The following RHBDF1 variants were observed in gnomAD, a reference collection of about 807,000 sequenced individuals.
The protein encoded by RHBDF1 is rhomboid 5 homolog 1, also known as inactive rhomboid protein 1.
In RHBDF1, 80 loss-of-function variants were observed where a neutral mutation model predicts 98.6. The ratio of observed to expected loss-of-function variants is 0.81; its 90% CI spans 0.68 to 0.98. RHBDF1 has a LOEUF of 0.98. RHBDF1 is among the 50% of genes least tolerant of loss of function. The pLI, the probability that RHBDF1 is intolerant of heterozygous loss-of-function variation, is 0.00. For missense variants in RHBDF1, 1,116 were observed against 1,198.3 expected (o/e 0.93, Z 1.01); for synonymous variants, 512 against 486.8 (o/e 1.05, Z -0.68).
Position 58,279 on chromosome 16 carries a change from A to G in RHBDF1, c.*61T>C. 6.5e-7 allele frequency: 1 copy of G among 1,528,654 alleles called. No homozygotes were observed. Among genetic ancestry groups the G allele is most frequent in the Admixed American group, 1.8e-5 (1 of 55,556 alleles). 94.7% of individuals were successfully genotyped at this position (1,528,654 alleles called of 1,614,324 possible). A position where few individuals can be genotyped will look rare whatever the true frequency, so the allele number is the denominator to read the frequency against. ...TGACTCCTGTAAGCCTGTGAGGCTC[A>G]GGGAGGTCGTGTCTGGCTCTGGCCT... is the stretch of plus-strand genomic sequence containing the variant. On this transcript the variant is annotated 3_prime_UTR_variant, in exon 18 of 18. Coordinates refer to ENST00000262316, the MANE Select transcript of RHBDF1 (RefSeq NM_022450.5).
At chr16:72,471 G>C in intron 1 of RHBDF1, 42 bp downstream of exon 1, 1 of 944,436 alleles carries the variant, frequency 1.1e-6, no homozygotes, top group Non-Finnish European at 1.3e-6. Flanking sequence ...CCCGGAACCC[G>C]CCCGCCCCCG....
At chr16:62,516 C>G in intron 7 of RHBDF1, 22 bp downstream of exon 7, 3 of 1,609,094 alleles carry the variant, frequency 1.9e-6, no homozygotes, top group Non-Finnish European at 2.5e-6. Flanking sequence ...CTCTGCCCCT[C>G]TTCCCTGCCT....
chr16:66,321 A>C (rs964334853), intron 1 of RHBDF1, among the ~76,000 whole-genome samples: 1 of 152,192 alleles, frequency 6.6e-6, no homozygotes, highest in African/African-American at 2.4e-5. Context: ...TGCTTGGAGG[A>C]AAGCCCCACC....
In RHBDF1 at chr16:62,133, G is replaced by A. The variant is rs188922031; in HGVS notation, c.954-81C>T. The A allele has an allele frequency of 2.4e-4, 341 of 1,424,148 alleles. 1 individual carries two copies. In the African/African-American group the frequency reaches 4.5e-3, roughly 19 times the overall value. The allele number at this position is 1,424,148 out of a possible 1,614,324, so 88.2% of individuals were successfully genotyped here. On this transcript the variant is annotated intron_variant, in intron 7 of 17. Coordinates refer to ENST00000262316, the MANE Select transcript of RHBDF1 (RefSeq NM_022450.5). ...TCCCCGGGGGGCACCAGGGCACCCT[G>A]TCTCTATCCTGGCGAATATACTGCG...
chr16:70,844 C>G (rs1011218694), intron 1 of RHBDF1, among the ~76,000 whole-genome samples: 1 of 152,208 alleles, frequency 6.6e-6, no homozygotes, highest in Admixed American at 6.5e-5. Context: ...TCTAAGACCC[C>G]TTGCCACCTG....
chr16:64,743 C>G lies in RHBDF1; in HGVS notation c.204G>C (p.Arg68=), dbSNP rs758276139. Residue 68 remains arginine (R), a synonymous_variant, in exon 3 of 18, where the codon CGG becomes CGC. Coordinates refer to ENST00000262316, the MANE Select transcript of RHBDF1 (RefSeq NM_022450.5). ...TGGACGTCTGGCGTTGCAGCACCGG[C>G]CGCCGGAGCTCATGGTGGGGTGAAG... ...HISSPHHELR[R]PVLQRQTSIT... 1 of 1,613,864 alleles carries G rather than the reference C, an allele frequency of 6.2e-7. No homozygotes were observed. The highest frequency in any genetic ancestry group is 8.5e-7 in the Non-Finnish European group (1 of 1,179,864).
chr16:63,888 GC>G (rs11285099), intron 3 of RHBDF1, 88 bp from the exon 4 acceptor site: 1,137,911 of 1,137,968 alleles, frequency 1, 568,927 homozygotes, highest in Middle Eastern at 1. Context: ...GCAGCATGCT[GC>G]CCCCAGGCCT....
At chr16:59,985 C>T (rs1289850570) in intron 13 of RHBDF1, 159 bp from the exon 14 acceptor site, 44 of 1,483,408 alleles carry the variant, frequency 3.0e-5, no homozygotes, top group Non-Finnish European at 3.7e-5. Context: ...CTCTATCAAA[C>T]TGGAATAATG....
At chr16:63,978 G>A (rs543788911) in intron 3 of RHBDF1, 178 bp from the exon 4 acceptor site, 5 of 744,110 alleles carry the variant, frequency 6.7e-6, no homozygotes, top group East Asian at 2.7e-5. Context: ...CCCCTGAACT[G>A]TTAGCCAACT....
Position 59,350 on chromosome 16 carries a change from C to T in RHBDF1, c.1894-1G>A, listed in dbSNP as rs1421731212. 6.2e-7 allele frequency: 1 copy of T among 1,611,852 alleles called. No individual in the cohort carries two copies. Among genetic ancestry groups the T allele is most frequent in the South Asian group, 1.1e-5 (1 of 90,782 alleles). On this transcript the variant is annotated splice_acceptor_variant, in intron 15 of 17. Coordinates refer to ENST00000262316, the MANE Select transcript of RHBDF1 (RefSeq NM_022450.5). LOFTEE classifies it high-confidence loss of function. ...CACACACATCATCCATGCAGTGCAC[C>T]TGCGCAGAGCAGCATATCAGCATCA...
chr16:60,927 T>C (rs2562146), intron 11 of RHBDF1, 193 bp downstream of exon 11: 417,256 of 614,584 alleles, frequency 0.68, 143,824 homozygotes, highest in Non-Finnish European at 0.72. Context: ...AATCAGATGA[T>C]GGTCTACGGG....
At chr16:73,915 T>C (rs961996971), upstream of RHBDF1, 19 of 984,318 alleles carry the variant, frequency 1.9e-5, no homozygotes, top group Non-Finnish European at 2.3e-5. Flanking sequence ...CTGGTACACT[T>C]ACCGGTAGAT....
At chr16:58,814 C>A in intron 17 of RHBDF1, 55 bp from the exon 18 acceptor site, 2 of 1,578,782 alleles carry the variant, frequency 1.3e-6, no homozygotes, top group Admixed American at 3.5e-5. Context: ...GCCCCCTGGA[C>A]CCAAGGCCTC....
At position 62,776 on chromosome 16, in the gene RHBDF1, C is replaced by T. The variant is rs138932606; in HGVS notation, c.794G>A (p.Arg265Gln). The change falls in exon 6 of 18, where the codon CGG becomes CAG. Residue 265 changes from arginine to glutamine, a missense_variant and splice_region_variant. By Grantham distance (43) the Arg-to-Gln change is conservative (BLOSUM62 1). Coordinates refer to ENST00000262316, the MANE Select transcript of RHBDF1 (RefSeq NM_022450.5). ...PDELDTSFFA[R>Q]EGILHEELST... ...GGGGACACCCCGGGCACTTCTTACCCGGGCAAAGAAGGATGTGTCCAGCTC... is the reference window on the plus strand; with the variant it reads ...GGGGACACCCCGGGCACTTCTTACCTGGGCAAAGAAGGATGTGTCCAGCTC... 79 of 1,614,056 alleles carry T rather than the reference C, an allele frequency of 4.9e-5. No individual in the cohort carries two copies. In the African/African-American group the frequency reaches 6.7e-4, roughly 14 times the overall value.
upstream of RHBDF1, among the ~76,000 whole-genome samples, chr16:73,614 G>C (rs1418380557): frequency 2.0e-5 from 3 of 152,220 alleles, no homozygotes; most frequent in East Asian, 3.8e-4. Context: ...GGGCAGGGCT[G>C]TCCAGGAGCT....
upstream of RHBDF1, chr16:73,828 T>A (rs527740696): frequency 2.8e-4 from 146 of 526,460 alleles, no homozygotes; most frequent in Non-Finnish European, 3.4e-4. Context: ...AACTGAGCTG[T>A]TGCACTTGAG....
chr16:65,292 A>G (rs1054529677), intron 1 of RHBDF1, among the ~76,000 whole-genome samples: 1 of 152,246 alleles, frequency 6.6e-6, no homozygotes, highest in African/African-American at 2.4e-5. Context: ...AGCACACACT[A>G]TGGTCAGGAT....
chr16:64,795 C>T lies in RHBDF1; in HGVS notation c.152G>A (p.Ser51Asn). Residue 51 changes from serine to asparagine, a missense_variant, in exon 3 of 18, where the codon AGT (serine) becomes AAT (asparagine). By Grantham distance (46) the Ser-to-Asn change is conservative (BLOSUM62 1). Transcript: ENST00000262316. ...GATGTGGGCTGTCTCGGCTGGCATACTCACACTCCTCAGGAAAGCCTGTCG... is the reference window on the plus strand; with the variant it reads ...GATGTGGGCTGTCTCGGCTGGCATATTCACACTCCTCAGGAAAGCCTGTCG... ...LRRQAFLRSV[S>N]MPAETAHISS... 6.2e-7 allele frequency: 1 copy of T among 1,614,088 alleles called. No homozygotes were observed. Among genetic ancestry groups the T allele is most frequent in the Non-Finnish European group, 8.5e-7 (1 of 1,180,002 alleles).
upstream of RHBDF1, chr16:76,237 G>A (rs1418702540): frequency 1.3e-5 from 2 of 152,412 alleles, no homozygotes; most frequent in Non-Finnish European, 2.9e-5. Context: ...GGAAGCCCCA[G>A]GCCCCCTCCT....
Sources: allele counts gnomAD v4.1 joint callset (sites outside exome capture counted in the v4.1 genomes callset), GRCh38; gene constraint gnomAD v4.1.1; transcripts MANE v1.5; gene names NCBI Gene and HGNC (gene_info 2026-07-23, HGNC 2026-07-21).